TULP4: variants seen among roughly 807,000 people sequenced by gnomAD.
TULP4 encodes TUB like protein 4, also known as tubby-related protein 4.
Under a neutral mutation model 129.0 loss-of-function variants are expected in TULP4, and 16 were observed. The ratio of observed to expected loss-of-function variants is 0.12; its 90% confidence interval spans 0.08 to 0.19. TULP4 has a LOEUF of 0.19. Ranked by LOEUF, TULP4 falls within the 10% of genes least tolerant of loss-of-function variation. The pLI is 1.00. For missense variants in TULP4, 1,842 were observed against 2,059.1 expected (o/e 0.89, Z 2.04); for synonymous variants, 998 against 854.0 (o/e 1.17, Z -2.94).
chr6:158,448,998 G>A lies in TULP4; in HGVS notation c.546G>A (p.Val182=), dbSNP rs758743402. ...CGIWTPDDQQ[V]LFGTADGQVI... ...GAGGTCCCCATCCTGGATTGCAGGT[G>A]CTGTTTGGCACGGCCGATGGGCAGG... Residue 182 remains valine (V), a splice_region_variant and synonymous_variant, in exon 4 of 14, where the codon GTG becomes GTA. Coordinates refer to ENST00000367097, the MANE Select transcript of TULP4 (RefSeq NM_020245.5). The A allele has an allele frequency of 1.2e-6, 2 of 1,606,728 alleles. No individual in the cohort carries two copies. The highest frequency in any genetic ancestry group is 1.7e-6 in the Non-Finnish European group (2 of 1,175,010).
rs147618392 is a variant in TULP4, at chr6:158,464,073, T to C, written c.1026+2344T>C. On this transcript the variant is annotated intron_variant, in intron 6 of 13. Transcript: ENST00000367097. ...TACAAACCTCATGTAAGTGGAATTA[T>C]GCAATATGTTGACAAACCAAATTCT... 2.6e-3 allele frequency among the ~76,000 whole-genome samples: 396 copies of C among 152,356 alleles called. 1 individual carries two copies. The highest frequency in any genetic ancestry group is 9.0e-3 in the African/African-American group (376 of 41,586).
chr6:158,236,840 G>T (rs1034433350), intron 1 of TULP4, among the ~76,000 whole-genome samples: 2 of 74,496 alleles, frequency 2.7e-5, no homozygotes, highest in Non-Finnish European at 5.1e-5. Context: ...TTGAGATAGG[G>T]TCTTGCTCTG....
chr6:158,309,066 C>T (rs1234420046), upstream of TULP4, among the ~76,000 whole-genome samples: 18 of 129,748 alleles, frequency 1.4e-4, no homozygotes, highest in South Asian at 2.6e-3. Context: ...GGGTGGCTGC[C>T]GGGCGGAGAC....
At chr6:158,247,769 G>C (rs1419327178) in intron 1 of TULP4, among the ~76,000 whole-genome samples, 1 of 152,150 alleles carries the variant, frequency 6.6e-6, no homozygotes, top group Non-Finnish European at 1.5e-5. Flanking sequence ...TCATTGTTAC[G>C]AACAGCTATG....
chr6:158,506,197 C>T (rs1228029376), intron 13 of TULP4, among the ~76,000 whole-genome samples: 3 of 148,400 alleles, frequency 2.0e-5, no homozygotes, highest in African/African-American at 5.0e-5. Flanking sequence ...CATGCAGACC[C>T]GGCTGTCGCC....
chr6:158,483,873 CTCAAAATCACCAGTGTGTA>C (rs1378588943), intron 8 of TULP4, among the ~76,000 whole-genome samples: 1 of 151,836 alleles, frequency 6.6e-6, no homozygotes, highest in Non-Finnish European at 1.5e-5. Context: ...AGATATGTTC[CTCAAAATCACCAGTGTGTA>C]TTTTTATACC....
intron 1 of TULP4, among the ~76,000 whole-genome samples, chr6:158,401,237 C>T (rs541499212): frequency 2.6e-5 from 4 of 152,212 alleles, no homozygotes; most frequent in African/African-American, 7.2e-5. Flanking sequence ...CCATGCCCAA[C>T]TAATTTTGGT....
At chr6:158,325,165 A>C (rs1386994736) in intron 1 of TULP4, among the ~76,000 whole-genome samples, 3 of 152,200 alleles carry the variant, frequency 2.0e-5, no homozygotes, top group African/African-American at 7.2e-5. Flanking sequence ...CATTCAATTC[A>C]GTGCATTTTT....
At chr6:158,435,817 C>T (rs1242002189) in intron 3 of TULP4, among the ~76,000 whole-genome samples, 1 of 152,158 alleles carries the variant, frequency 6.6e-6, no homozygotes, top group Admixed American at 6.5e-5. Flanking sequence ...TCTCCTCCCT[C>T]CGGTCCCTCA....
At chr6:158,297,157 T>A (rs1779049921) in intron 1 of TULP4, among the ~76,000 whole-genome samples, 1 of 151,976 alleles carries the variant, frequency 6.6e-6, no homozygotes, top group Non-Finnish European at 1.5e-5. Flanking sequence ...TAGGAATGCA[T>A]TTCTTTTCCT....
rs113156671 is a variant in TULP4, at chr6:158,430,479, A to G, written c.543+582A>G. Reference sequence around the variant, plus strand: ...TTTTGGAGGCCAGGCACGGTGGCTCACGCCTGTAATCCCAACACTTTGGGA... The same window carrying G: ...TTTTGGAGGCCAGGCACGGTGGCTCGCGCCTGTAATCCCAACACTTTGGGA... On this transcript the variant is annotated intron_variant, in intron 3 of 13. Coordinates refer to ENST00000367097, the MANE Select transcript of TULP4 (RefSeq NM_020245.5). Among the ~76,000 whole-genome samples, 1,075 of 152,348 alleles carry G rather than the reference A, an allele frequency of 7.1e-3. 13 individuals are homozygous for G. The highest frequency in any genetic ancestry group is 9.2e-3 in the Non-Finnish European group (627 of 68,034).
chr6:158,296,187 T>C (rs1779028159), intron 1 of TULP4, among the ~76,000 whole-genome samples: 2 of 152,106 alleles, frequency 1.3e-5, no homozygotes, highest in South Asian at 4.1e-4. Flanking sequence ...TTTCTTTCCT[T>C]TCCCTTTCCC....
At chr6:158,300,583 G>A (rs1417551084) in intron 1 of TULP4, among the ~76,000 whole-genome samples, 2 of 152,122 alleles carry the variant, frequency 1.3e-5, no homozygotes, top group African/African-American at 4.8e-5. Context: ...ACATATCCAG[G>A]GGCATTGTCT....
chr6:158,366,957 G>A (rs150982250), intron 1 of TULP4, among the ~76,000 whole-genome samples: 7 of 152,178 alleles, frequency 4.6e-5, no homozygotes, highest in East Asian at 3.9e-4. Flanking sequence ...ATTATTGATC[G>A]CAGAAGATGT....
chr6:158,432,413 G>T (rs916069007), intron 3 of TULP4, among the ~76,000 whole-genome samples: 4 of 152,190 alleles, frequency 2.6e-5, no homozygotes, highest in Admixed American at 1.3e-4. Flanking sequence ...AGGTAGAGCT[G>T]CAGGAAGCCG....
intron 1 of TULP4, among the ~76,000 whole-genome samples, chr6:158,259,294 C>A (rs1226866920): frequency 6.6e-6 from 1 of 152,190 alleles, no homozygotes; most frequent in African/African-American, 2.4e-5. Flanking sequence ...GCCAGTGGAT[C>A]TGTCCTCCCT....
intron 5 of TULP4, among the ~76,000 whole-genome samples, chr6:158,453,875 C>A (rs1239307296): frequency 5.3e-5 from 8 of 151,476 alleles, no homozygotes; most frequent in Non-Finnish European, 8.8e-5. Context: ...ATCGCTTGAA[C>A]CTGGGAGGCG....
At chr6:158,325,706 T>C (rs192098375) in intron 1 of TULP4, among the ~76,000 whole-genome samples, 1 of 152,312 alleles carries the variant, frequency 6.6e-6, no homozygotes, top group Admixed American at 6.5e-5. Context: ...ATAAGGAACC[T>C]TTCTAGCAAA....
chr6:158,316,163 G>A (rs191801340), intron 1 of TULP4, among the ~76,000 whole-genome samples: 2 of 152,324 alleles, frequency 1.3e-5, no homozygotes, highest in Non-Finnish European at 2.9e-5. Flanking sequence ...TCCACTGAAG[G>A]AAGATACCTG....
Sources: gnomAD v4.1 joint callset for allele counts (sites outside exome capture counted in the v4.1 genomes callset) on GRCh38, gnomAD v4.1.1 for gene constraint, MANE v1.5 for transcripts, NCBI Gene and HGNC (gene_info 2026-07-23, HGNC 2026-07-21) for gene names.